Variants in HEATR3 observed in about 807,000 individuals in gnomAD.
HEATR3 encodes HEAT repeat-containing protein 3.
Under a neutral mutation model 72.8 loss-of-function variants are expected in HEATR3, and 56 were observed. That is an observed-to-expected ratio of 0.77 (90% confidence interval 0.62 to 0.96). The LOEUF (loss-of-function observed/expected upper bound fraction) is 0.96. HEATR3 is among the 40% of genes least tolerant of loss of function. The pLI, the probability that HEATR3 is intolerant of heterozygous loss-of-function variation, is 0.00. For synonymous variants in HEATR3, 331 were observed against 318.1 expected, an observed-to-expected ratio of 1.04 and a Z score of -0.43; for missense variants, 747 against 831.4, an observed-to-expected ratio of 0.90 and a Z score of 1.25.
At chr16:50,066,724 G>C in intron 2 of HEATR3, 185 bp downstream of exon 2, 1 of 504,958 alleles carries the variant, frequency 2.0e-6, no homozygotes, top group Non-Finnish European at 3.1e-6. Context: ...CATCTCATCT[G>C]TCCACCTGGC....
chr16:50,072,882 A>C, intron 5 of HEATR3, 168 bp downstream of exon 5: 1 of 560,984 alleles, frequency 1.8e-6, no homozygotes, highest in Non-Finnish European at 3.2e-6. Context: ...ATTAATATTA[A>C]TTCTTTACCT....
In HEATR3 at chr16:50,066,122, G is replaced by C; in HGVS notation, c.-10G>C. 6.5e-7 allele frequency: 1 copy of C among 1,545,640 alleles called. No homozygotes were observed. The highest frequency in any genetic ancestry group is 8.7e-7 in the Non-Finnish European group (1 of 1,148,630). ...TCTCTCGGTGGTCTGTCCGCCCAGC[G>C]CACGTCACCATGGGCAAGAGCCGGA... On this transcript the variant is annotated 5_prime_UTR_variant, in exon 1 of 15. Coordinates refer to ENST00000299192, the MANE Select transcript of HEATR3 (RefSeq NM_182922.4).
At position 50,100,228 on chromosome 16, in the gene HEATR3, A is replaced by G. The variant is rs866372987; in HGVS notation, c.1600-2A>G. On this transcript the variant is annotated splice_acceptor_variant, in intron 12 of 14. Transcript: ENST00000299192. LOFTEE classifies it high-confidence loss of function. ...AAATACTGTCCTCTTCTCTTTTAAC[A>G]GTGCATGACTCCTGATCAGCTGATG... 6.2e-7 allele frequency: 1 copy of G among 1,610,744 alleles called. No homozygotes were observed. The highest frequency in any genetic ancestry group is 1.3e-5 in the African/African-American group (1 of 74,798).
chr16:50,081,342 G>A (rs1211970484), intron 7 of HEATR3, among the ~76,000 whole-genome samples: 1 of 152,140 alleles, frequency 6.6e-6, no homozygotes. Flanking sequence ...CAACTTGGAA[G>A]GCTGAGGCAC....
Position 50,066,515 on chromosome 16 carries a change from G to A in HEATR3, c.287G>A (p.Arg96Lys). The A allele has an allele frequency of 7.6e-7, 1 of 1,313,678 alleles. No individual in the cohort carries two copies. The highest frequency in any genetic ancestry group is 2.2e-5 in the South Asian group (1 of 45,312). 81.4% of individuals were successfully genotyped at this position (1,313,678 alleles called of 1,614,324 possible). A position where few individuals can be genotyped will look rare whatever the true frequency, so the allele number is the denominator to read the frequency against. Reference protein sequence around the residue: ...PLLLDPSLAVRETAAGALRNL... With the variant: ...PLLLDPSLAVKETAAGALRNL... ...CTGCTAGACCCCAGCCTGGCCGTCAGGGAGACTGCAGCCGGCGCGCTGAGG... is the reference window on the plus strand; with the variant it reads ...CTGCTAGACCCCAGCCTGGCCGTCAAGGAGACTGCAGCCGGCGCGCTGAGG... The change falls in exon 2 of 15, where the codon AGG (arginine) becomes AAG (lysine). Residue 96 changes from arginine to lysine, a missense_variant. By Grantham distance (26) the Arg-to-Lys change is conservative. Coordinates refer to ENST00000299192, the MANE Select transcript of HEATR3 (RefSeq NM_182922.4).
In HEATR3 at chr16:50,086,408, G is replaced by A; in HGVS notation, c.1510+57G>A. 2.6e-6 allele frequency: 4 copies of A among 1,533,952 alleles called. No homozygotes were observed. In the South Asian group the frequency reaches 4.9e-5, roughly 19 times the overall value. On this transcript the variant is annotated intron_variant, in intron 11 of 14. Coordinates refer to ENST00000299192, the MANE Select transcript of HEATR3 (RefSeq NM_182922.4). ...GACGGAACAGAATTTTGAAGGGGCA[G>A]GAATTTGGATTTTGTAAATGTATAT...
intron 2 of HEATR3, among the ~76,000 whole-genome samples, chr16:50,067,219 G>A (rs1266075144): frequency 6.6e-6 from 1 of 152,108 alleles, no homozygotes; most frequent in Non-Finnish European, 1.5e-5. Context: ...GTCGGGCATG[G>A]TGGTGGGTGC....
At position 50,075,575 on chromosome 16, in the gene HEATR3, T is replaced by G; in HGVS notation, c.627T>G (p.Tyr209Ter). ...TACTTATTTTTTGCCTCGTAGCATATTGTTTGCAGACAGTGACTGAGGATA... is the reference window on the plus strand; with the variant it reads ...TACTTATTTTTTGCCTCGTAGCATAGTGTTTGCAGACAGTGACTGAGGATA... ...TNVDLAISVAYCLQTVTEDNP... is the reference protein window; with the variant it reads ...TNVDLAISVA The change falls in exon 6 of 15, where the codon TAT becomes TAG. Residue 209 changes from tyrosine (Y) to a stop codon, truncating the protein, a stop_gained. Coordinates refer to ENST00000299192, the MANE Select transcript of HEATR3 (RefSeq NM_182922.4). LOFTEE classifies it high-confidence loss of function. The G allele has an allele frequency of 6.2e-7, 1 of 1,611,560 alleles. No individual in the cohort carries two copies. The highest frequency in any genetic ancestry group is 2.2e-5 in the East Asian group (1 of 44,830).
At chr16:50,086,416 G>A in intron 11 of HEATR3, 65 bp downstream of exon 11, 2 of 1,506,026 alleles carry the variant, frequency 1.3e-6, no homozygotes, top group South Asian at 1.3e-5. Context: ...CAGGAATTTG[G>A]ATTTTGTAAA....
chr16:50,094,881 C>T, intron 12 of HEATR3, 88 bp downstream of exon 12: 2 of 679,098 alleles, frequency 2.9e-6, no homozygotes, highest in Non-Finnish European at 5.1e-6. Flanking sequence ...TTAAAAAATA[C>T]ATATTTCTGT....
At chr16:50,076,885 T>TC (rs1208250151) in intron 6 of HEATR3, among the ~76,000 whole-genome samples, 1 of 149,028 alleles carries the variant, frequency 6.7e-6, no homozygotes, top group East Asian at 2.0e-4. Flanking sequence ...TTTTTTTTTT[T>TC]GGAGACTGAG....
At chr16:50,086,057 A>G (rs1280453943) in intron 10 of HEATR3, among the ~76,000 whole-genome samples, 158 bp from the exon 11 acceptor site, 4 of 152,160 alleles carry the variant, frequency 2.6e-5, no homozygotes, top group African/African-American at 9.7e-5. Flanking sequence ...AGAAAACACA[A>G]AAAACAGTTC....
At chr16:50,068,106 C>G (rs1042214387) in intron 2 of HEATR3, among the ~76,000 whole-genome samples, 16 of 152,278 alleles carry the variant, frequency 1.1e-4, no homozygotes, top group African/African-American at 3.9e-4. Context: ...GAAAGCCCTT[C>G]CCTTCCTCCC....
chr16:50,079,938 C>T (rs1013806841), intron 7 of HEATR3: 2 of 152,300 alleles, frequency 1.3e-5, no homozygotes, highest in Non-Finnish European at 2.9e-5. Flanking sequence ...GTGACTCAGC[C>T]CCTGTGGGAG....
chr16:50,077,232 G>A (rs1424173663), intron 6 of HEATR3, among the ~76,000 whole-genome samples: 8 of 151,810 alleles, frequency 5.3e-5, no homozygotes, highest in Non-Finnish European at 8.8e-5. Context: ...GGCTGGTCTC[G>A]AACTCCTGAC....
chr16:50,075,971 T>C (rs1204857877), intron 6 of HEATR3, among the ~76,000 whole-genome samples: 1 of 152,164 alleles, frequency 6.6e-6, no homozygotes, highest in African/African-American at 2.4e-5. Flanking sequence ...TCCCCACTTA[T>C]TTATGAACCA....
intron 12 of HEATR3, among the ~76,000 whole-genome samples, chr16:50,099,825 A>G (rs1440265670): frequency 6.6e-6 from 1 of 152,228 alleles, no homozygotes; most frequent in Non-Finnish European, 1.5e-5. Context: ...GATAATACAG[A>G]TATCTCAAAG....
intron 7 of HEATR3, among the ~76,000 whole-genome samples, chr16:50,081,726 A>G (rs2036871832): frequency 6.6e-6 from 1 of 152,158 alleles, no homozygotes; most frequent in Non-Finnish European, 1.5e-5. Flanking sequence ...GCATCATTTA[A>G]CTTAAGAAGG....
intron 4 of HEATR3, among the ~76,000 whole-genome samples, chr16:50,070,587 A>C (rs2036589982): frequency 1.3e-5 from 2 of 152,130 alleles, no homozygotes; most frequent in African/African-American, 4.8e-5. Context: ...CCATAATCCC[A>C]GCTACTCGGG....
Sources: allele counts gnomAD v4.1 joint callset (sites outside exome capture counted in the v4.1 genomes callset), GRCh38; gene constraint gnomAD v4.1.1; transcripts MANE v1.5; gene names NCBI Gene and HGNC (gene_info 2026-07-23, HGNC 2026-07-21).